The following PRRC2A variants were observed in gnomAD, a reference collection of about 807,000 sequenced individuals.
PRRC2A encodes proline rich coiled-coil 2A.
In PRRC2A, 59 loss-of-function variants were observed where a neutral mutation model predicts 224.6. The observed-to-expected ratio is 0.26, with a 90% CI of 0.21 to 0.33. The LOEUF (loss-of-function observed/expected upper bound fraction) is 0.33, where lower values mean the gene tolerates loss of function less well. Among genes scored for constraint, PRRC2A ranks in the 10% least tolerant of loss-of-function variants. The pLI is 1.00. For synonymous variants in PRRC2A, 1,194 were observed against 1,109.5 expected (o/e 1.08, Z -1.51); for missense variants, 3,095 against 2,880.7 (o/e 1.07, Z -1.70).
chr6:31,633,049 C>T (rs1219824370), intron 16 of PRRC2A, 57 bp downstream of exon 16: 4 of 1,447,654 alleles, frequency 2.8e-6, no homozygotes, highest in African/African-American at 2.9e-5. Flanking sequence ...GGGGAAAAAG[C>T]CTGAGGGAAA....
In PRRC2A at chr6:31,627,016, C is replaced by T. The variant is rs1368181749; in HGVS notation, c.1108C>T (p.Pro370Ser). ...CCAATCAGCTTCTGGTGAGGAACGG[C>T]CCCCTGAAGCAGATGGCAAAAAGGG... Reference protein sequence around the residue: ...DSQSASGEERPPEADGKKGNS... With the variant: ...DSQSASGEERSPEADGKKGNS... The change falls in exon 11 of 31, where the codon CCC becomes TCC. Residue 370 changes from proline to serine, a missense_variant. This residue lies in a region of PRRC2A where 2,001 missense variants were observed against 1,764.9 expected (regional missense o/e 1.13). Transcript: ENST00000376033. The surrounding 1 kb of genome is among the most constrained non-coding windows in gnomAD (Gnocchi z 5.6). 6.2e-7 allele frequency: 1 copy of T among 1,614,028 alleles called. No individual in the cohort carries two copies. Among genetic ancestry groups the T allele is most frequent in the African/African-American group, 1.3e-5 (1 of 74,920 alleles).
chr6:31,629,941 T>C, intron 14 of PRRC2A, 96 bp downstream of exon 14: 1 of 1,544,740 alleles, frequency 6.5e-7, no homozygotes, highest in Non-Finnish European at 8.7e-7. Flanking sequence ...CGATAGGTTT[T>C]GCCCATCATA....
rs1221884237 is a variant in PRRC2A, at chr6:31,629,354, C to T, written c.1956+20C>T. On this transcript the variant is annotated intron_variant, in intron 13 of 30. Transcript: ENST00000376033. ...CAGCAGGTGAAATCAAGTTGTTTACCCTCTAAGGGCTGCTTTTCTTCCTGG... is the reference window on the plus strand; with the variant it reads ...CAGCAGGTGAAATCAAGTTGTTTACTCTCTAAGGGCTGCTTTTCTTCCTGG... 4.6e-6 allele frequency: 7 copies of T among 1,536,842 alleles called. No homozygotes were observed. Among genetic ancestry groups the T allele is most frequent in the Middle Eastern group, 1.9e-4 (1 of 5,386 alleles).
chr6:31,635,377 C>T lies in PRRC2A; in HGVS notation c.5302-17C>T. On this transcript the variant is annotated splice_polypyrimidine_tract_variant and intron_variant, in intron 22 of 30. Coordinates refer to ENST00000376033, the MANE Select transcript of PRRC2A (RefSeq NM_004638.4). The stretch of plus-strand genomic sequence containing the variant: ...GTCTGTCACGGGACAATGTCTCCTG[C>T]CTTCTTGTGATCACAGGACTCAGAC... The T allele has an allele frequency of 1.2e-6, 2 of 1,614,116 alleles. No individual in the cohort carries two copies. Among genetic ancestry groups the T allele is most frequent in the South Asian group, 2.2e-5 (2 of 91,084 alleles).
intron 3 of PRRC2A, 67 bp downstream of exon 3, chr6:31,623,976 CTTGGTTT>C: frequency 6.4e-7 from 1 of 1,570,416 alleles, no homozygotes; most frequent in East Asian, 2.3e-5. Flanking sequence ...AGCATTGGGG[CTTGGTTT>C]AGTCCAGCCA....
In PRRC2A at chr6:31,632,028, C is replaced by G; in HGVS notation, c.3355C>G (p.Pro1119Ala). 1.3e-6 allele frequency: 2 copies of G among 1,599,358 alleles called. 1 individual carries two copies. The highest frequency in any genetic ancestry group is 1.7e-6 in the Non-Finnish European group (2 of 1,171,094). The stretch of plus-strand genomic sequence containing the variant: ...CGAGACCCATGAGAGTGATCTGGCT[C>G]CTTCAGACAAGGAGGCTCCCACACC... ...GSETHESDLAPSDKEAPTPKE... is the reference protein window; with the variant it reads ...GSETHESDLAASDKEAPTPKE... The change falls in exon 16 of 31, where the codon CCT becomes GCT. Residue 1119 changes from proline (P) to alanine (A), a missense_variant. Around this residue, in one of 8 missense-constraint regions of PRRC2A, gnomAD observed 2,001 missense variants for 1,764.9 expected, o/e 1.13. Transcript: ENST00000376033.
chr6:31,623,047 AG>A, intron 2 of PRRC2A, 146 bp downstream of exon 2: 1 of 799,138 alleles, frequency 1.3e-6, no homozygotes. Flanking sequence ...GGTCCTTTAA[AG>A]GGGGTGTGGG....
Position 31,635,230 on chromosome 6 carries a change from C to T in PRRC2A, c.5259C>T (p.Ser1753=), listed in dbSNP as rs1372302490. ...CAGAGCCTGGCCCCATTCGGCCATC[C>T]CATCGACCTGGTCCCCCAGTCCAGT... ...RGTEPGPIRP[S]HRPGPPVQFG... The change falls in exon 22 of 31, where the codon TCC becomes TCT. Residue 1753 remains serine (S), a synonymous_variant. Coordinates refer to ENST00000376033, the MANE Select transcript of PRRC2A (RefSeq NM_004638.4). 6.8e-6 allele frequency: 11 copies of T among 1,614,208 alleles called. No individual in the cohort carries two copies.
Position 31,635,129 on chromosome 6 carries a change from C to G in PRRC2A, c.5161-3C>G. 1 of 1,613,730 alleles carries G rather than the reference C, an allele frequency of 6.2e-7. No homozygotes were observed. Among genetic ancestry groups the G allele is most frequent in the South Asian group, 1.1e-5 (1 of 91,058 alleles). ...AATGCACTTTACTGTGTGCCCAATCCAGGAGCTGCCCCGGGAGCAGCCTCT... is the reference window on the plus strand; with the variant it reads ...AATGCACTTTACTGTGTGCCCAATCGAGGAGCTGCCCCGGGAGCAGCCTCT... On this transcript the variant is annotated splice_polypyrimidine_tract_variant and splice_region_variant and intron_variant, in intron 21 of 30. Coordinates refer to ENST00000376033, the MANE Select transcript of PRRC2A (RefSeq NM_004638.4).
intron 14 of PRRC2A, 141 bp from the exon 15 acceptor site, chr6:31,630,450 G>A (rs1326901214): frequency 1.4e-6 from 1 of 732,270 alleles, no homozygotes; most frequent in Non-Finnish European, 2.2e-6. Flanking sequence ...GGATAACCTT[G>A]TTATATAAGA....
chr6:31,624,319 C>T lies in PRRC2A; in HGVS notation c.349C>T (p.Pro117Ser). The change falls in exon 4 of 31, where the codon CCT (proline) becomes TCT (serine). Residue 117 changes from proline (P) to serine (S), a missense_variant. Physicochemically the swap from Pro to Ser is moderately conservative, Grantham distance 74 (BLOSUM62 -1). Transcript: ENST00000376033. ...ESQPLPASQT[P>S]ASNQPKRPPA... ...GCAGCCACTGCCGGCTTCACAGACGCCTGCCTCCAACCAGCCGAAACGACC... is the reference window on the plus strand; with the variant it reads ...GCAGCCACTGCCGGCTTCACAGACGTCTGCCTCCAACCAGCCGAAACGACC... The T allele has an allele frequency of 6.2e-7, 1 of 1,614,068 alleles. No homozygotes were observed. Among genetic ancestry groups the T allele is most frequent in the Non-Finnish European group, 8.5e-7 (1 of 1,180,016 alleles).
chr6:31,626,965 T>G lies in PRRC2A; in HGVS notation c.1074-17T>G. The G allele has an allele frequency of 6.2e-7, 1 of 1,614,130 alleles. No homozygotes were observed. The highest frequency in any genetic ancestry group is 8.5e-7 in the Non-Finnish European group (1 of 1,179,980). On this transcript the variant is annotated splice_polypyrimidine_tract_variant and intron_variant, in intron 10 of 30. Transcript: ENST00000376033. The stretch of plus-strand genomic sequence containing the variant: ...TAGTTGCAGCTGATTTTAATTTCAC[T>G]GTTGATCTGCTCACAGCAGGGATTC...
Position 31,627,020 on chromosome 6 carries a change from C to A in PRRC2A, c.1112C>A (p.Pro371His), listed in dbSNP as rs761441262. The change falls in exon 11 of 31, where the codon CCT becomes CAT. Residue 371 changes from proline (P) to histidine (H), a missense_variant. Around this residue, in one of 8 missense-constraint regions of PRRC2A, gnomAD observed 2,001 missense variants for 1,764.9 expected, o/e 1.13. Transcript: ENST00000376033. This position sits in a 1 kb window ranked among gnomAD's most constrained non-coding sequence, Gnocchi z 5.6. ...SQSASGEERP[P>H]EADGKKGNSP... ...TCAGCTTCTGGTGAGGAACGGCCCC[C>A]TGAAGCAGATGGCAAAAAGGGCAAC... 1.9e-5 allele frequency: 30 copies of A among 1,614,210 alleles called. No homozygotes were observed. The South Asian group carries it at 2.7e-4, about 15-fold the overall frequency.
Position 31,629,680 on chromosome 6 carries a change from C to T in PRRC2A, c.2089C>T (p.Pro697Ser). The T allele has an allele frequency of 6.2e-7, 1 of 1,602,608 alleles. No individual in the cohort carries two copies. The highest frequency in any genetic ancestry group is 2.2e-5 in the East Asian group (1 of 44,744). ...GGCTGTGCCAGCTCCACAGGCTCCA[C>T]CCCCGCCCCCCAAGGCCCTGTACCC... is the stretch of plus-strand genomic sequence containing the variant. ...LGAVPAPQAP[P>S]PPPKALYPGA... The change falls in exon 14 of 31, where the codon CCC (proline) becomes TCC (serine). Residue 697 changes from proline (P) to serine (S), a missense_variant. By Grantham distance (74) the Pro-to-Ser change is moderately conservative. Around this residue, in one of 8 missense-constraint regions of PRRC2A, gnomAD observed 2,001 missense variants for 1,764.9 expected, o/e 1.13. Coordinates refer to ENST00000376033, the MANE Select transcript of PRRC2A (RefSeq NM_004638.4).
rs779889536 is a variant in PRRC2A at position 31,633,586 on chromosome 6, C to T, written c.4527C>T (p.Gly1509=). ...CTGGGCTTCCCCAAGCCCCTCAGGG[C>T]CCCTCTCCTAGGCCCCCAACCCGAT... The part of the protein sequence containing the change: ...HKPGLPQAPQ[G]PSPRPPTRYE... The change falls in exon 17 of 31, where the codon GGC becomes GGT. Residue 1509 remains glycine, a synonymous_variant. Coordinates refer to ENST00000376033, the MANE Select transcript of PRRC2A (RefSeq NM_004638.4). 9 of 1,612,946 alleles carry T rather than the reference C, an allele frequency of 5.6e-6. No homozygotes were observed. The highest frequency in any genetic ancestry group is 1.7e-5 in the Admixed American group (1 of 60,024).
In PRRC2A at chr6:31,625,017, C is replaced by T; in HGVS notation, c.464-154C>T. 1.2e-6 allele frequency: 1 copy of T among 814,770 alleles called. No homozygotes were observed. Among genetic ancestry groups the T allele is most frequent in the East Asian group, 2.5e-5 (1 of 40,660 alleles). 50.5% of individuals were successfully genotyped at this position (814,770 alleles called of 1,614,324 possible). On this transcript the variant is annotated intron_variant, in intron 5 of 30. Coordinates refer to ENST00000376033, the MANE Select transcript of PRRC2A (RefSeq NM_004638.4). This position sits in a 1 kb window ranked among gnomAD's most constrained non-coding sequence, Gnocchi z 4.1. ...GGTTTCACATGTTGGCCAGGATGGT[C>T]TCGATCTCTTGACCTCGTGATCCGC...
At chr6:31,623,974 G>A in intron 3 of PRRC2A, 65 bp downstream of exon 3, 1 of 1,576,828 alleles carries the variant, frequency 6.3e-7, no homozygotes, top group Non-Finnish European at 8.7e-7. Flanking sequence ...GGAGCATTGG[G>A]GCTTGGTTTA....
chr6:31,622,960 GT>G, intron 2 of PRRC2A, 59 bp downstream of exon 2: 1 of 1,366,516 alleles, frequency 7.3e-7, no homozygotes. Context: ...TGGGGCATAC[GT>G]TTTAGAGCTC....
intron 12 of PRRC2A, among the ~76,000 whole-genome samples, 171 bp downstream of exon 12, chr6:31,628,410 G>A (rs1388428431): frequency 1.3e-5 from 2 of 152,228 alleles, no homozygotes; most frequent in African/African-American, 2.4e-5. Flanking sequence ...GGAAGGTTTT[G>A]TCTGGAATCT....
Sources: allele counts gnomAD v4.1 joint callset (sites outside exome capture counted in the v4.1 genomes callset), GRCh38; gene constraint gnomAD v4.1.1; regional missense constraint gnomAD v4.1.1; non-coding constraint Gnocchi (gnomAD v3.1); transcripts MANE v1.5; gene names NCBI Gene and HGNC (gene_info 2026-07-23, HGNC 2026-07-21).